ANKRA2: variants seen among roughly 807,000 people sequenced by gnomAD.
ANKRA2 encodes ankyrin repeat family A member 2.
A neutral mutation model predicts 37.8 loss-of-function variants in ANKRA2; 33 were observed. The ratio of observed to expected loss-of-function variants is 0.87; its 90% confidence interval spans 0.66 to 1.17. The LOEUF is 1.17. ANKRA2 is among the 50% of genes most tolerant of loss of function. The pLI is 0.00. For synonymous variants in ANKRA2, 126 were observed against 132.3 expected (o/e 0.95, Z 0.33); for missense variants, 326 against 373.7 (o/e 0.87, Z 1.05).
intron 4 of ANKRA2, among the ~76,000 whole-genome samples, chr5:73,556,907 G>A (rs2112011669): frequency 6.6e-6 from 1 of 151,328 alleles, no homozygotes; most frequent in South Asian, 2.1e-4. Context: ...CAGTGAGGGC[G>A]TGGGGAAACA....
At chr5:73,559,605 T>C (rs1747489520) in intron 3 of ANKRA2, among the ~76,000 whole-genome samples, 1 of 152,192 alleles carries the variant, frequency 6.6e-6, no homozygotes, top group Admixed American at 6.5e-5. Context: ...GAAAATACAG[T>C]GTCTTAATTT....
Position 73,554,366 on chromosome 5 carries a change from T to C in ANKRA2, c.761A>G (p.Tyr254Cys). 5 of 1,613,744 alleles carry C rather than the reference T, an allele frequency of 3.1e-6. No individual in the cohort carries two copies. The highest frequency in any genetic ancestry group is 3.4e-6 in the Non-Finnish European group (4 of 1,179,766). Reference sequence around the variant, plus strand: ...TTTCACATGATTTCCATGTACAGCATAAAGCAGAGGTGTTCCTCCATTCTG... The same window carrying C: ...TTTCACATGATTTCCATGTACAGCACAAAGCAGAGGTGTTCCTCCATTCTG... ...YDWNGGTPLL[Y>C]AVHGNHVKCV... The change falls in exon 7 of 9, where the codon TAT becomes TGT. Residue 254 changes from tyrosine (Y) to cysteine (C), a missense_variant. Tyr to Cys is a radical substitution (Grantham distance 194). Transcript: ENST00000296785.
chr5:73,557,411 C>CTTTTTTTTTTT (rs80067963), intron 4 of ANKRA2, 164 bp downstream of exon 4: 1 of 188,096 alleles, frequency 5.3e-6, no homozygotes, highest in African/African-American at 3.2e-5. Flanking sequence ...CTTTATATTC[C>CTTTTTTTTTTT]TTTTTTTTTT....
chr5:73,563,816 A>G (rs2112026221), intron 1 of ANKRA2, among the ~76,000 whole-genome samples: 1 of 152,360 alleles, frequency 6.6e-6, no homozygotes, highest in South Asian at 2.1e-4. Context: ...TGGAATTAAA[A>G]GAAAAATGCA....
At chr5:73,555,376 C>T in intron 5 of ANKRA2, 112 bp downstream of exon 5, 1 of 1,468,238 alleles carries the variant, frequency 6.8e-7, no homozygotes, top group Non-Finnish European at 9.0e-7. Context: ...AAGCATTAAA[C>T]TTTTTTTGGT....
At chr5:73,556,182 T>G (rs528079622) in intron 4 of ANKRA2, among the ~76,000 whole-genome samples, 21 of 152,366 alleles carry the variant, frequency 1.4e-4, no homozygotes, top group African/African-American at 4.8e-4. Context: ...ATGAATAGTC[T>G]GAAATACAGT....
At chr5:73,559,647 T>C in intron 3 of ANKRA2, among the ~76,000 whole-genome samples, 1 of 126,496 alleles carries the variant, frequency 7.9e-6, no homozygotes, top group East Asian at 3.4e-4. Flanking sequence ...TTTTAATCTC[T>C]ATTTATTATT....
chr5:73,560,227 TTAATA>T (rs1410041559), intron 3 of ANKRA2, among the ~76,000 whole-genome samples: 1 of 152,234 alleles, frequency 6.6e-6, no homozygotes, highest in African/African-American at 2.4e-5. Flanking sequence ...AAGGGGTATT[TTAATA>T]TATGTTTACA....
chr5:73,562,381 A>C (rs1428082541), intron 2 of ANKRA2: 1 of 443,134 alleles, frequency 2.3e-6, no homozygotes, highest in African/African-American at 2.0e-5. Flanking sequence ...ATTAAACAAG[A>C]AGTTTTTAAA....
chr5:73,560,704 TTA>T (rs1561270695), intron 3 of ANKRA2, among the ~76,000 whole-genome samples: 1 of 152,190 alleles, frequency 6.6e-6, no homozygotes, highest in South Asian at 2.1e-4. Context: ...ATTATATTTA[TTA>T]TAGTCACCAT....
At position 73,552,599 on chromosome 5, in the gene ANKRA2, A is replaced by G. The variant is rs1747282937; in HGVS notation, c.*198T>C. ...CACGAAAACATTAATTTATAATTTTAAATATACAGTAAAACATAGTTATAA... is the reference window on the plus strand; with the variant it reads ...CACGAAAACATTAATTTATAATTTTGAATATACAGTAAAACATAGTTATAA... On this transcript the variant is annotated 3_prime_UTR_variant, in exon 9 of 9. Transcript: ENST00000296785. 1 of 473,382 alleles carries G rather than the reference A, an allele frequency of 2.1e-6. No individual in the cohort carries two copies. The allele number at this position is 473,382 out of a possible 1,614,324, so 29.3% of individuals were successfully genotyped here.
At chr5:73,561,644 G>A (rs899868835) in intron 2 of ANKRA2, among the ~76,000 whole-genome samples, 8 of 152,068 alleles carry the variant, frequency 5.3e-5, no homozygotes, top group African/African-American at 1.9e-4. Flanking sequence ...GCAAACGCCT[G>A]TAATCCCAGC....
intron 2 of ANKRA2, among the ~76,000 whole-genome samples, chr5:73,561,700 G>A (rs1204827152): frequency 1.3e-5 from 2 of 152,072 alleles, no homozygotes; most frequent in Non-Finnish European, 2.9e-5. Flanking sequence ...CCAGAAGGCG[G>A]AGGTTGCAGT....
chr5:73,554,031 A>G (rs1747328498), intron 7 of ANKRA2, among the ~76,000 whole-genome samples: 1 of 152,048 alleles, frequency 6.6e-6, no homozygotes, highest in Admixed American at 6.6e-5. Flanking sequence ...CGGCCTCCCA[A>G]AGTGCTGGGA....
chr5:73,564,406 T>C (rs962102794), intron 1 of ANKRA2, among the ~76,000 whole-genome samples: 3 of 152,218 alleles, frequency 2.0e-5, no homozygotes, highest in African/African-American at 4.8e-5. Flanking sequence ...AAATAACAGC[T>C]AAATTGAAAA....
chr5:73,557,411 CTTTT>C (rs80067963), intron 4 of ANKRA2, 160 bp downstream of exon 4: 332 of 193,262 alleles, frequency 1.7e-3, no homozygotes, highest in African/African-American at 5.2e-3. Flanking sequence ...CTTTATATTC[CTTTT>C]TTTTTTTTTT....
At chr5:73,563,970 G>A (rs1399850054) in intron 1 of ANKRA2, among the ~76,000 whole-genome samples, 1 of 151,932 alleles carries the variant, frequency 6.6e-6, no homozygotes, top group Non-Finnish European at 1.5e-5. Context: ...CACCTAGGAG[G>A]GGTAAAAAAG....
Position 73,562,873 on chromosome 5 carries a change from T to C in ANKRA2, c.9A>G (p.Thr3=), listed in dbSNP as rs148551945. Residue 3 remains threonine (T), a synonymous_variant, in exon 2 of 9, where the codon ACA becomes ACG. Coordinates refer to ENST00000296785, the MANE Select transcript of ANKRA2 (RefSeq NM_023039.5). ...GGGCTCCAATATCCAGATTTGTTGA[T>C]GTATCCATGATTTCAACTGTAGTTT... MD[T]STNLDIGAQL... 9 of 1,605,206 alleles carry C rather than the reference T, an allele frequency of 5.6e-6. No individual in the cohort carries two copies. Among genetic ancestry groups the C allele is most frequent in the Non-Finnish European group, 6.8e-6 (8 of 1,174,794 alleles).
chr5:73,562,350 T>G, intron 2 of ANKRA2: 2 of 348,294 alleles, frequency 5.7e-6, no homozygotes, highest in Admixed American at 4.5e-5. Context: ...GGGAACTTCA[T>G]TAGGGAATTT....
Sources: allele counts gnomAD v4.1 joint callset (sites outside exome capture counted in the v4.1 genomes callset), GRCh38; gene constraint gnomAD v4.1.1; transcripts MANE v1.5; gene names NCBI Gene and HGNC (gene_info 2026-07-23, HGNC 2026-07-21).